GPLD1: variants seen among roughly 807,000 people sequenced by gnomAD.
GPLD1 encodes the protein glycosylphosphatidylinositol specific phospholipase D1.
In GPLD1, 84 loss-of-function variants were observed where a neutral mutation model predicts 112.6. That is an observed-to-expected ratio of 0.75 (90% CI 0.63 to 0.89). The LOEUF (loss-of-function observed/expected upper bound fraction) is 0.89, where lower values mean the gene tolerates loss of function less well. Ranked by LOEUF, GPLD1 falls within the 40% of genes least tolerant of loss-of-function variation. GPLD1 has a pLI of 0.00. For synonymous variants in GPLD1, 386 were observed against 403.8 expected (o/e 0.96, Z 0.53); for missense variants, 1,044 against 1,051.5 (o/e 0.99, Z 0.10).
At chr6:24,441,526 G>T (rs888828153) in intron 20 of GPLD1, among the ~76,000 whole-genome samples, 2 of 152,306 alleles carry the variant, frequency 1.3e-5, no homozygotes, top group East Asian at 3.9e-4. Flanking sequence ...TCGTTTCAGT[G>T]ATGCCACATC....
intron 22 of GPLD1, 122 bp from the exon 23 acceptor site, chr6:24,433,511 GAGA>G (rs1426492103): frequency 3.8e-5 from 18 of 473,216 alleles, no homozygotes; most frequent in Non-Finnish European, 4.9e-5. Context: ...TTTTTTTTTT[GAGA>G]AGGAGTCTTG....
At chr6:24,484,070 G>A (rs1005570909) in intron 2 of GPLD1, among the ~76,000 whole-genome samples, 9 of 151,904 alleles carry the variant, frequency 5.9e-5, no homozygotes, top group Non-Finnish European at 1.0e-4. Context: ...CGCCCACCAC[G>A]ATGCCCGGCT....
At chr6:24,443,864 A>AG (rs200782692) in intron 20 of GPLD1, among the ~76,000 whole-genome samples, 6,371 of 151,958 alleles carry the variant, frequency 0.042, 134 homozygotes, top group Middle Eastern at 0.088. Context: ...AGGTTTAGAC[A>AG]GGTTTCACCA....
In GPLD1 at chr6:24,456,586, A is replaced by T. The variant is rs1370821957; in HGVS notation, c.1060T>A (p.Phe354Ile). 6.2e-7 allele frequency: 1 copy of T among 1,603,816 alleles called. No individual in the cohort carries two copies. Among genetic ancestry groups the T allele is most frequent in the South Asian group, 1.1e-5 (1 of 90,778 alleles). Residue 354 changes from phenylalanine to isoleucine, a missense_variant, in exon 13 of 25, where the codon TTC (phenylalanine) becomes ATC (isoleucine). By Grantham distance (21) the Phe-to-Ile change is conservative (BLOSUM62 0). Transcript: ENST00000230036. The stretch of plus-strand genomic sequence containing the variant: ...TGTGACAACTGAGAGCCACCTATGA[A>T]CATTGTCCTTATGTTCCTTTCCAAA... ...KALERNIRTM[F>I]IGGSQLSQKH... is the part of the protein sequence containing the mutation.
chr6:24,445,063 T>C (rs1004256284), intron 20 of GPLD1, among the ~76,000 whole-genome samples: 2 of 152,176 alleles, frequency 1.3e-5, no homozygotes, highest in Admixed American at 1.3e-4. Flanking sequence ...AGTCTTGCTC[T>C]GTTGCCCAGG....
intron 21 of GPLD1, 23 bp from the exon 22 acceptor site, chr6:24,436,759 G>A: frequency 6.2e-7 from 1 of 1,610,782 alleles, no homozygotes; most frequent in Non-Finnish European, 8.5e-7. Flanking sequence ...AAAACCGACA[G>A]AAGGAAGTAT....
intron 20 of GPLD1, among the ~76,000 whole-genome samples, chr6:24,440,545 T>A (rs1762711301): frequency 6.8e-6 from 1 of 147,570 alleles, no homozygotes; most frequent in Non-Finnish European, 1.5e-5. Context: ...AGAAGATCTT[T>A]TATATTTGAT....
rs752561508 is a variant in GPLD1 at position 24,447,870 on chromosome 6, GCACT to G, written c.1678+3_1678+6del. On this transcript the variant is annotated splice_donor_5th_base_variant and intron_variant, in intron 17 of 24. Transcript: ENST00000230036. The stretch of plus-strand genomic sequence containing the variant: ...CATGGTCTCACCCATTCCCCCTCAG[GCACT>G]ACCTTTGTCGCTCAGGCTGGGGCCA... 6 of 1,613,420 alleles carry G rather than the reference GCACT, an allele frequency of 3.7e-6. No individual in the cohort carries two copies. In the South Asian group the frequency reaches 6.6e-5, roughly 18 times the overall value.
intron 1 of GPLD1, among the ~76,000 whole-genome samples, chr6:24,488,266 G>A (rs1457459029): frequency 6.6e-6 from 1 of 152,052 alleles, no homozygotes; most frequent in Non-Finnish European, 1.5e-5. Flanking sequence ...AAAAAAATTA[G>A]CCAGGCGTGG....
At chr6:24,490,806 C>T (rs909686313), upstream of GPLD1, among the ~76,000 whole-genome samples, 1 of 151,792 alleles carries the variant, frequency 6.6e-6, no homozygotes, top group Admixed American at 6.6e-5. Context: ...CAACAGTTGT[C>T]GCCCCAACAG....
At chr6:24,476,306 T>C in intron 3 of GPLD1, 28 bp from the exon 4 acceptor site, 1 of 1,204,170 alleles carries the variant, frequency 8.3e-7, no homozygotes, top group Non-Finnish European at 1.2e-6. Flanking sequence ...GGGCTCTAGA[T>C]TCTCTCTTAA....
chr6:24,450,823 T>C (rs1763056003), intron 14 of GPLD1, among the ~76,000 whole-genome samples: 1 of 151,826 alleles, frequency 6.6e-6, no homozygotes, highest in Non-Finnish European at 1.5e-5. Flanking sequence ...AATACAAAAA[T>C]TAGCCAGGTG....
At chr6:24,486,156 A>G (rs1445069251) in intron 1 of GPLD1, 26 bp from the exon 2 acceptor site, 38 of 1,360,924 alleles carry the variant, frequency 2.8e-5, no homozygotes, top group Non-Finnish European at 3.7e-5. Context: ...ACATAAATCA[A>G]TTAAGTTCAA....
chr6:24,482,350 G>C (rs1012561112), intron 2 of GPLD1, among the ~76,000 whole-genome samples: 4 of 151,628 alleles, frequency 2.6e-5, no homozygotes, highest in African/African-American at 4.8e-5. Context: ...GCATGATCTC[G>C]GCTCACTGCA....
At chr6:24,483,517 G>T (rs902381950) in intron 2 of GPLD1, among the ~76,000 whole-genome samples, 9 of 151,088 alleles carry the variant, frequency 6.0e-5, no homozygotes, top group Non-Finnish European at 1.0e-4. Flanking sequence ...CGACTCTACT[G>T]AAAATATAAA....
intron 2 of GPLD1, among the ~76,000 whole-genome samples, chr6:24,482,862 T>C (rs1387411485): frequency 3.3e-5 from 5 of 152,130 alleles, no homozygotes; most frequent in Middle Eastern, 3.4e-3. Flanking sequence ...GGAGGATCAA[T>C]TGAGTATAGG....
chr6:24,494,978 C>G (rs756474270), exon 1 of GPLD1: 2 of 1,309,784 alleles, frequency 1.5e-6, no homozygotes, highest in Non-Finnish European at 1.9e-6. Flanking sequence ...TGTTTCCTGT[C>G]GCCGTCGTTG....
At chr6:24,442,039 TTA>T (rs573813194) in intron 20 of GPLD1, among the ~76,000 whole-genome samples, 71 of 145,286 alleles carry the variant, frequency 4.9e-4, no homozygotes, top group Admixed American at 9.5e-4. Context: ...TACATTTATA[TTA>T]TATATTAGTA....
At chr6:24,431,204 T>C (rs1762394589) in intron 24 of GPLD1, among the ~76,000 whole-genome samples, 1 of 152,082 alleles carries the variant, frequency 6.6e-6, no homozygotes, top group South Asian at 2.1e-4. Context: ...TAGAGGGCAG[T>C]TTCACCACAA....
Sources: allele counts gnomAD v4.1 joint callset (sites outside exome capture counted in the v4.1 genomes callset), GRCh38; gene constraint gnomAD v4.1.1; transcripts MANE v1.5; gene names NCBI Gene and HGNC (gene_info 2026-07-23, HGNC 2026-07-21).